ZC3H7A: variants seen among roughly 807,000 people sequenced by gnomAD.
The protein encoded by ZC3H7A is zinc finger CCCH domain-containing protein 7A.
Under a neutral mutation model 125.5 loss-of-function variants are expected in ZC3H7A, and 44 were observed. That is an observed-to-expected ratio of 0.35 (90% confidence interval 0.28 to 0.45). The LOEUF is 0.45. Ranked by LOEUF, ZC3H7A falls within the 20% of genes least tolerant of loss-of-function variation. ZC3H7A has a pLI of 1.00. For missense variants in ZC3H7A, 977 were observed against 1,170.7 expected (o/e 0.83, Z 2.41); for synonymous variants, 399 against 391.2 (o/e 1.02, Z -0.23).
intron 17 of ZC3H7A, 146 bp downstream of exon 17, chr16:11,762,525 G>T (rs2052769739): frequency 1.3e-6 from 1 of 748,162 alleles, no homozygotes; most frequent in Non-Finnish European, 2.1e-6. Flanking sequence ...AATGCAAATT[G>T]TTTTTTCACA....
At position 11,769,048 on chromosome 16, in the gene ZC3H7A, T is replaced by A. The variant is rs745356308; in HGVS notation, c.1156A>T (p.Asn386Tyr). 1.9e-6 allele frequency: 3 copies of A among 1,609,218 alleles called. No individual in the cohort carries two copies. The highest frequency in any genetic ancestry group is 2.5e-6 in the Non-Finnish European group (3 of 1,178,358). ...GCACTTACAAGTAAAAGGGAAGAATTACTGTTGTTAAGCGGTGTTCCCTCT... is the reference window on the plus strand; with the variant it reads ...GCACTTACAAGTAAAAGGGAAGAATAACTGTTGTTAAGCGGTGTTCCCTCT... ...SREGTPLNNSNSSLLLMNGPG... is the reference protein window; with the variant it reads ...SREGTPLNNSYSSLLLMNGPG... The change falls in exon 11 of 23, where the codon AAT (asparagine) becomes TAT (tyrosine). Residue 386 changes from asparagine (N) to tyrosine (Y), a missense_variant. Physicochemically the swap from Asn to Tyr is moderately radical, Grantham distance 143 (BLOSUM62 -2). Around this residue, in one of 3 missense-constraint regions of ZC3H7A, gnomAD observed 342 missense variants for 311.3 expected, o/e 1.10. Coordinates refer to ENST00000355758, the MANE Select transcript of ZC3H7A (RefSeq NM_014153.4).
At chr16:11,780,500 CCTGT>C (rs1230831112) in intron 3 of ZC3H7A, among the ~76,000 whole-genome samples, 1 of 152,088 alleles carries the variant, frequency 6.6e-6, no homozygotes, top group African/African-American at 2.4e-5. Context: ...TTTATGAATT[CCTGT>C]CTAAGCTGAT....
At chr16:11,757,777 G>A (rs984011973) in intron 20 of ZC3H7A, among the ~76,000 whole-genome samples, 2 of 152,156 alleles carry the variant, frequency 1.3e-5, no homozygotes, top group Admixed American at 6.5e-5. Context: ...ACACACCACT[G>A]ACGATCTATG....
intron 15 of ZC3H7A, 55 bp downstream of exon 15, chr16:11,764,998 G>T: frequency 1.6e-6 from 2 of 1,244,236 alleles, no homozygotes; most frequent in Non-Finnish European, 2.3e-6. Flanking sequence ...TTTTTATTCA[G>T]ATCTAGAAAA....
chr16:11,795,341 C>G (rs1053705648), intron 1 of ZC3H7A, among the ~76,000 whole-genome samples: 1 of 152,222 alleles, frequency 6.6e-6, no homozygotes, highest in Non-Finnish European at 1.5e-5. Flanking sequence ...AGGGCCACCA[C>G]CCATTCAGAT....
At chr16:11,769,192 A>G in intron 10 of ZC3H7A, 97 bp from the exon 11 acceptor site, 2 of 1,006,546 alleles carry the variant, frequency 2.0e-6, no homozygotes, top group Non-Finnish European at 2.8e-6. Context: ...CTCCCACGCT[A>G]TTCTCCCGTC....
At position 11,764,538 on chromosome 16, in the gene ZC3H7A, G is replaced by T. The variant is rs556950147; in HGVS notation, c.1820+515C>A. Among the ~76,000 whole-genome samples the T allele has an allele frequency of 1.2e-3, 177 of 152,094 alleles. 1 individual carries two copies. Among genetic ancestry groups the T allele is most frequent in the African/African-American group, 4.1e-3 (169 of 41,508 alleles). The stretch of plus-strand genomic sequence containing the variant: ...CACTCCAGCCTGGGAAACAGAAAAA[G>T]ACTTCGTCTCAAAAAAATTAAAAAA... On this transcript the variant is annotated intron_variant, in intron 15 of 22. Transcript: ENST00000355758.
At chr16:11,751,652 T>C (rs2052554644) in intron 22 of ZC3H7A, 146 bp from the exon 23 acceptor site, 1 of 771,352 alleles carries the variant, frequency 1.3e-6, no homozygotes, top group African/African-American at 1.8e-5. Flanking sequence ...GTAAATATTT[T>C]ATAGCCATGA....
chr16:11,793,671 T>G, intron 1 of ZC3H7A, among the ~76,000 whole-genome samples: 1 of 152,194 alleles, frequency 6.6e-6, no homozygotes, highest in East Asian at 1.9e-4. Flanking sequence ...ATTGTCATCC[T>G]TAATTGGCAA....
intron 2 of ZC3H7A, 52 bp downstream of exon 2, chr16:11,782,235 C>T: frequency 6.2e-7 from 1 of 1,602,560 alleles, no homozygotes; most frequent in Non-Finnish European, 8.6e-7. Context: ...AACATACATC[C>T]ACACCAAAGA....
chr16:11,764,914 A>T lies in ZC3H7A; in HGVS notation c.1820+139T>A, dbSNP rs530931541. The T allele has an allele frequency of 8.4e-4, 472 of 560,800 alleles. 3 individuals carry two copies. The African/African-American group carries it at 8.6e-3, about 10-fold the overall frequency. The allele number at this position is 560,800 out of a possible 1,614,324, so 34.7% of individuals were successfully genotyped here. ...AGCCAAATCTACTAAAAGACATTTT[A>T]AAATTTTGTCATTGTTCTTCAAAAT... is the stretch of plus-strand genomic sequence containing the variant. On this transcript the variant is annotated intron_variant, in intron 15 of 22. Transcript: ENST00000355758.
Position 11,770,770 on chromosome 16 carries a change from A to G in ZC3H7A, c.1108+13T>C, listed in dbSNP as rs9933742. On this transcript the variant is annotated intron_variant, in intron 10 of 22. Transcript: ENST00000355758. ...TCAACTGCAATTGTTTACAATTTAG[A>G]TTTGGTTCTTACCTCGTTTGGATTC... 7.8e-3 allele frequency: 12,456 copies of G among 1,598,344 alleles called. 880 individuals are homozygous for G. In the African/African-American group the frequency reaches 0.15, roughly 19 times the overall value.
chr16:11,754,321 A>AAATATAT (rs763451215), intron 21 of ZC3H7A, among the ~76,000 whole-genome samples: 3 of 140,478 alleles, frequency 2.1e-5, no homozygotes, highest in East Asian at 2.1e-4. Context: ...AAGAAAAAAA[A>AAATATAT]ATATATATAT....
chr16:11,791,587 C>A (rs72782733), intron 1 of ZC3H7A, among the ~76,000 whole-genome samples: 35,283 of 152,058 alleles, frequency 0.23, 4,909 homozygotes, highest in East Asian at 0.49. Context: ...AAGTAAGCAG[C>A]CCAGTGTAAA....
At position 11,767,552 on chromosome 16, in the gene ZC3H7A, G is replaced by T. The variant is rs151012702; in HGVS notation, c.1387C>A (p.His463Asn). 2.5e-4 allele frequency: 398 copies of T among 1,592,986 alleles called. No homozygotes were observed. In the African/African-American group the frequency reaches 4.7e-3, roughly 19 times the overall value. The change falls in exon 13 of 23, where the codon CAT (histidine) becomes AAT (asparagine). Residue 463 changes from histidine (H) to asparagine (N), a missense_variant. His to Asn is a moderately conservative substitution (Grantham distance 68). Transcript: ENST00000355758. ...SGPKLMDFTY[H>N]ANIDHKCKKD... ...TTACACTTATGATCTATGTTAGCAT[G>T]GTAAGTGAAATCCATTAACTTAGGG...
At chr16:11,763,769 A>ATATATAT (rs2052799685) in intron 15 of ZC3H7A, 110 bp from the exon 16 acceptor site, 2 of 169,294 alleles carry the variant, frequency 1.2e-5, no homozygotes, top group Non-Finnish European at 1.8e-5. Flanking sequence ...ATATATATAT[A>ATATATAT]AAGTTCTACA....
At position 11,776,438 on chromosome 16, in the gene ZC3H7A, G is replaced by C; in HGVS notation, c.546+14C>G. On this transcript the variant is annotated intron_variant, in intron 6 of 22. Transcript: ENST00000355758. ...ACAAAATGAAAACACCTTATGCAGA[G>C]AACTCCAGCTTACCTCAGCTCTGAC... 6.2e-7 allele frequency: 1 copy of C among 1,606,290 alleles called. No homozygotes were observed. Among genetic ancestry groups the C allele is most frequent in the African/African-American group, 1.3e-5 (1 of 74,470 alleles).
chr16:11,761,523 GGAGTTCAGA>G lies in ZC3H7A; in HGVS notation c.2214-21_2214-13del, dbSNP rs766042259. 12 of 1,613,170 alleles carry G rather than the reference GGAGTTCAGA, an allele frequency of 7.4e-6. No homozygotes were observed. On this transcript the variant is annotated splice_polypyrimidine_tract_variant and intron_variant, in intron 18 of 22. Coordinates refer to ENST00000355758, the MANE Select transcript of ZC3H7A (RefSeq NM_014153.4). ...GGTCTTTGGTCCACCTAAGAAAAATGGAGTTCAGAAAAAAACAAAGACACACGAGCAAAA... is the reference window on the plus strand; with the variant it reads ...GGTCTTTGGTCCACCTAAGAAAAATGAAAAAACAAAGACACACGAGCAAAA...
intron 22 of ZC3H7A, 132 bp downstream of exon 22, chr16:11,752,537 G>C: frequency 8.6e-7 from 1 of 1,157,010 alleles, no homozygotes; most frequent in Non-Finnish European, 1.2e-6. Flanking sequence ...CAAAACCCAA[G>C]AATCCTTCAG....
Sources: allele counts gnomAD v4.1 joint callset (sites outside exome capture counted in the v4.1 genomes callset), GRCh38; gene constraint gnomAD v4.1.1; regional missense constraint gnomAD v4.1.1; transcripts MANE v1.5; gene names NCBI Gene and HGNC (gene_info 2026-07-23, HGNC 2026-07-21).